Variants in DMD observed in about 807,000 individuals in gnomAD.
The protein encoded by DMD is dystrophin.
In DMD, 63 loss-of-function variants were observed where a neutral mutation model predicts 330.1. The observed-to-expected ratio is 0.19, with a 90% confidence interval of 0.16 to 0.24. The LOEUF is 0.24. DMD is among the 10% of genes least tolerant of loss of function. DMD has a pLI of 1.00. For missense variants in DMD, 3,344 were observed against 2,684.1 expected (o/e 1.25, Z -5.43); for synonymous variants, 1,223 against 959.8 (o/e 1.27, Z -5.07).
intron 29 of DMD, among the ~76,000 whole-genome samples, chrX:32,415,442 T>C (rs1048686343): frequency 4.5e-5 from 5 of 111,854 alleles, no homozygotes; most frequent in African/African-American, 1.6e-4. Flanking sequence ...GCAGAATTCT[T>C]TCAACTAGTC....
chrX:31,577,524 T>C (rs7053681), intron 55 of DMD, among the ~76,000 whole-genome samples: 8,639 of 112,078 alleles, frequency 0.077, 361 homozygotes, highest in Admixed American at 0.18. Flanking sequence ...TTATTTTGTG[T>C]GGCCTTTTAA....
intron 57 of DMD, among the ~76,000 whole-genome samples, chrX:31,496,502 T>C (rs1245925667): frequency 3.6e-5 from 4 of 112,298 alleles, no homozygotes; most frequent in Non-Finnish European, 5.6e-5. Context: ...GTACGAGTTT[T>C]ATTATAGCAT....
intron 44 of DMD, among the ~76,000 whole-genome samples, chrX:32,063,259 A>T (rs765129111): frequency 1.4e-4 from 15 of 110,012 alleles, no homozygotes; most frequent in Admixed American, 7.8e-4. Context: ...ATATGCCTTC[A>T]CTATAAATCT....
chrX:32,681,162 A>G (rs2147323075), intron 9 of DMD, among the ~76,000 whole-genome samples: 1 of 111,654 alleles, frequency 9.0e-6, no homozygotes, highest in African/African-American at 3.2e-5. Context: ...TATTGAAATC[A>G]TGTCCCACCT....
At chrX:31,870,148 C>G (rs919243073) in intron 48 of DMD, among the ~76,000 whole-genome samples, 1 of 111,757 alleles carries the variant, frequency 8.9e-6, no homozygotes, top group Non-Finnish European at 1.9e-5. Flanking sequence ...ACAAAGAAAG[C>G]TTTAAAAATA....
intron 7 of DMD, among the ~76,000 whole-genome samples, chrX:32,787,245 T>A (rs200250450): frequency 0.016 from 1,322 of 81,255 alleles, 14 homozygotes; most frequent in East Asian, 0.044. Flanking sequence ...TGTGTGTGTG[T>A]GTGAGAGAGA....
intron 7 of DMD, among the ~76,000 whole-genome samples, chrX:32,700,529 T>C (rs2064025273): frequency 9.0e-6 from 1 of 111,091 alleles, no homozygotes; most frequent in Non-Finnish European, 1.9e-5. Flanking sequence ...TTCCTAAAAA[T>C]TGCTGCGAGA....
chrX:31,186,040 C>T (rs995610320), intron 67 of DMD, among the ~76,000 whole-genome samples: 2 of 112,006 alleles, frequency 1.8e-5, no homozygotes, highest in Admixed American at 9.5e-5. Context: ...GACATATCCA[C>T]ATTTCAGATA....
At chrX:32,385,863 G>C (rs1402710448) in intron 33 of DMD, among the ~76,000 whole-genome samples, 1 of 110,315 alleles carries the variant, frequency 9.1e-6, no homozygotes, top group Admixed American at 9.7e-5. Context: ...TGTGGTCTCT[G>C]TGGAATATGT....
chrX:33,258,410 G>A (rs1275941978), intron 1 of DMD, among the ~76,000 whole-genome samples: 4 of 111,328 alleles, frequency 3.6e-5, no homozygotes, highest in African/African-American at 1.3e-4. Context: ...CTAATCATCA[G>A]TTACAGAACC....
At chrX:32,782,931 A>T (rs978813352) in intron 7 of DMD, among the ~76,000 whole-genome samples, 1 of 104,147 alleles carries the variant, frequency 9.6e-6, no homozygotes, top group African/African-American at 3.5e-5. Context: ...CACCCCATGT[A>T]CCCACAAAAA....
intron 49 of DMD, among the ~76,000 whole-genome samples, chrX:31,821,377 C>T (rs2092754635): frequency 8.9e-6 from 1 of 112,286 alleles, no homozygotes; most frequent in Non-Finnish European, 1.9e-5. Flanking sequence ...CCTAAGATAT[C>T]TATTACACCT....
At chrX:32,232,777 G>T (rs1024800287) in intron 43 of DMD, among the ~76,000 whole-genome samples, 10 of 112,076 alleles carry the variant, frequency 8.9e-5, no homozygotes, top group Non-Finnish European at 1.7e-4. Context: ...AATTAGAGCA[G>T]ATTCTTTTCT....
chrX:32,614,191 A>C lies in DMD; in HGVS notation c.1482+112T>G, dbSNP rs1251884614. ...AAAAATAATTTTTAAAATATGGCTGACTTTAAGTTTTAATTCTCTCCCATC... is the reference window on the plus strand; with the variant it reads ...AAAAATAATTTTTAAAATATGGCTGCCTTTAAGTTTTAATTCTCTCCCATC... On this transcript the variant is annotated intron_variant, in intron 12 of 78. Transcript: ENST00000357033. The C allele has an allele frequency of 1.4e-5, 11 of 806,599 alleles. 1 individual carries two copies. The South Asian group carries it at 2.9e-4, about 21-fold the overall frequency. 66.5% of individuals were successfully genotyped at this position (806,599 alleles called of 1,213,427 possible).
chrX:32,389,978 A>C, intron 31 of DMD, 93 bp downstream of exon 31: 1 of 731,649 alleles, frequency 1.4e-6, no homozygotes. Flanking sequence ...AATGTCCTCA[A>C]ATCCAATCTT....
chrX:32,926,723 G>A (rs1249660613), intron 2 of DMD, among the ~76,000 whole-genome samples: 1 of 103,327 alleles, frequency 9.7e-6, no homozygotes, highest in Non-Finnish European at 2.0e-5. Flanking sequence ...CTGCACTCCT[G>A]CCTGGGAGAC....
chrX:31,242,882 G>C (rs748004039), intron 63 of DMD, among the ~76,000 whole-genome samples: 6 of 111,220 alleles, frequency 5.4e-5, no homozygotes, highest in African/African-American at 1.6e-4. Flanking sequence ...TTGTCATTTG[G>C]GTTCTACAGA....
chrX:33,275,301 A>T (rs1280537821), intron 1 of DMD, among the ~76,000 whole-genome samples: 1 of 109,567 alleles, frequency 9.1e-6, no homozygotes, highest in African/African-American at 3.5e-5. Context: ...GAAAGAGAAA[A>T]CCTGGCTATA....
chrX:32,604,606 G>C (rs571193935), intron 12 of DMD, among the ~76,000 whole-genome samples: 1 of 110,306 alleles, frequency 9.1e-6, no homozygotes, highest in South Asian at 3.8e-4. Context: ...GAAAAAGAAA[G>C]TCAAATGATT....
Sources: allele counts gnomAD v4.1 joint callset (sites outside exome capture counted in the v4.1 genomes callset), GRCh38; gene constraint gnomAD v4.1.1; transcripts MANE v1.5; gene names NCBI Gene and HGNC (gene_info 2026-07-23, HGNC 2026-07-21).